The following SIRPA variants were observed in gnomAD, a reference collection of about 807,000 sequenced individuals.
SIRPA encodes the protein signal regulatory protein alpha.
In SIRPA, 9 loss-of-function variants were observed where a neutral mutation model predicts 50.3. The observed-to-expected ratio is 0.18, with a 90% confidence interval of 0.11 to 0.31. The LOEUF is 0.31. Ranked by LOEUF, SIRPA falls within the 10% of genes least tolerant of loss-of-function variation. The pLI is 1.00. For missense variants in SIRPA, 474 were observed against 661.6 expected (o/e 0.72, Z 3.11); for synonymous variants, 265 against 284.1 (o/e 0.93, Z 0.68).
Position 1,898,495 on chromosome 20 carries a change from C to T in SIRPA, c.79+2969C>T, listed in dbSNP as rs1300729455. On this transcript the variant is annotated intron_variant, in intron 1 of 7. Coordinates refer to ENST00000358771, the MANE Select transcript of SIRPA (RefSeq NM_001040023.2). This position sits in a 1 kb window ranked among gnomAD's most constrained non-coding sequence, Gnocchi z 4.3. Reference sequence around the variant, plus strand: ...AGTTAATGGCGTTCCAGGCCGGATGCTGCTCCTGCGTCGTCTCACCCGCAA... The same window carrying T: ...AGTTAATGGCGTTCCAGGCCGGATGTTGCTCCTGCGTCGTCTCACCCGCAA... Among the ~76,000 whole-genome samples the T allele has an allele frequency of 6.6e-6, 1 of 152,140 alleles. No homozygotes were observed. The highest frequency in any genetic ancestry group is 1.5e-5 in the Non-Finnish European group (1 of 68,034).
chr20:1,914,587 C>A, intron 1 of SIRPA, among the ~76,000 whole-genome samples: 1 of 53,710 alleles, frequency 1.9e-5, no homozygotes, highest in Non-Finnish European at 3.8e-5. Context: ...GAGTGGTGGC[C>A]CAAGGACACA....
At chr20:1,910,344 CTT>C (rs4060551) in intron 1 of SIRPA, among the ~76,000 whole-genome samples, 57,887 of 151,926 alleles carry the variant, frequency 0.38, 11,278 homozygotes, top group East Asian at 0.67. Context: ...TGTTTCATTA[CTT>C]TTTAACTTTT....
intron 1 of SIRPA, among the ~76,000 whole-genome samples, chr20:1,910,079 A>AG (rs948844014): frequency 3.6e-4 from 55 of 152,226 alleles, no homozygotes; most frequent in African/African-American, 1.3e-3. Flanking sequence ...CCTCTTGCCC[A>AG]GGGGGGTTAG....
chr20:1,930,254 C>T (rs750330744), intron 6 of SIRPA, among the ~76,000 whole-genome samples: 4 of 152,216 alleles, frequency 2.6e-5, no homozygotes, highest in African/African-American at 7.2e-5. Flanking sequence ...TGTGAACCCT[C>T]CTGGTGCCGC....
At chr20:1,895,626 TA>T (rs1983753663) in intron 1 of SIRPA, 100 bp downstream of exon 1, 5 of 918,306 alleles carry the variant, frequency 5.4e-6, no homozygotes, top group Non-Finnish European at 7.5e-6. Flanking sequence ...CGAGCAGTAA[TA>T]GGGGGAGAGA....
In SIRPA at chr20:1,930,870, G is replaced by A. The variant is rs77761133; in HGVS notation, c.1226+2971G>A. ...CTCCCAAAGTGCTGGAATTACAGGC[G>A]TAAGCCACTGCGCCCGGCCCTGTTG... is the stretch of plus-strand genomic sequence containing the variant. On this transcript the variant is annotated intron_variant, in intron 6 of 7. Coordinates refer to ENST00000358771, the MANE Select transcript of SIRPA (RefSeq NM_001040023.2). Among the ~76,000 whole-genome samples the A allele has an allele frequency of 3.7e-4, 57 of 152,306 alleles. No individual in the cohort carries two copies. In the East Asian group the frequency reaches 8.9e-3, roughly 24 times the overall value.
rs1985720111 is a variant in SIRPA at position 1,922,454 on chromosome 20, C to T, written c.896C>T (p.Ala299Val). ...GGAAACGTGTCCCGGACAGAAACGG[C>T]CTCAACCGTTACAGAGAACAAGGAT... is the stretch of plus-strand genomic sequence containing the variant. ...ENGNVSRTET[A>V]STVTENKDGT... Residue 299 changes from alanine (A) to valine (V), a missense_variant, in exon 4 of 8, where the codon GCC (alanine) becomes GTC (valine). Transcript: ENST00000358771. The T allele has an allele frequency of 6.2e-7, 1 of 1,614,094 alleles. No individual in the cohort carries two copies. Among genetic ancestry groups the T allele is most frequent in the South Asian group, 1.1e-5 (1 of 91,092 alleles).
rs910028298 is a variant in SIRPA, at chr20:1,927,769, A to AT, written c.1202-103dup. On this transcript the variant is annotated intron_variant, in intron 5 of 7. Transcript: ENST00000358771. The surrounding 1 kb of genome is among the most constrained non-coding windows in gnomAD (Gnocchi z 6.5). ...GTGGTTCCAAGGATGTGATTACAGC[A>AT]TTTCCTCTCCATGTCCCTGGAGGCA... The AT allele has an allele frequency of 1.0e-6, 1 of 976,490 alleles. No homozygotes were observed. Among genetic ancestry groups the AT allele is most frequent in the Admixed American group, 1.7e-5 (1 of 58,912 alleles). The allele number at this position is 976,490 out of a possible 1,614,324, so 60.5% of individuals were successfully genotyped here. A position where few individuals can be genotyped will look rare whatever the true frequency, so the allele number is the denominator to read the frequency against.
At chr20:1,901,018 C>T (rs1343263351) in intron 1 of SIRPA, among the ~76,000 whole-genome samples, 1 of 152,166 alleles carries the variant, frequency 6.6e-6, no homozygotes, top group Non-Finnish European at 1.5e-5. Context: ...ATCACAGAGC[C>T]TATGTGGTTA....
intron 1 of SIRPA, among the ~76,000 whole-genome samples, chr20:1,912,490 A>AT (rs1283764839): frequency 6.6e-6 from 1 of 152,198 alleles, no homozygotes; most frequent in Non-Finnish European, 1.5e-5. Flanking sequence ...CATTCTGCAT[A>AT]TTTTTATCGA....
chr20:1,897,706 A>G (rs1295441105), intron 1 of SIRPA, among the ~76,000 whole-genome samples: 2 of 149,764 alleles, frequency 1.3e-5, no homozygotes, highest in Non-Finnish European at 3.0e-5. Context: ...GAGGTGTCAC[A>G]TGATTCCTGT....
chr20:1,899,641 C>G (rs967299711), intron 1 of SIRPA, among the ~76,000 whole-genome samples: 3 of 152,112 alleles, frequency 2.0e-5, no homozygotes, highest in Non-Finnish European at 4.4e-5. Flanking sequence ...TCCTACTCAT[C>G]CTCCGAGGTT....
Position 1,934,690 on chromosome 20 carries a change from A to G in SIRPA, c.1227-25A>G. 6.2e-7 allele frequency: 1 copy of G among 1,613,304 alleles called. No homozygotes were observed. The highest frequency in any genetic ancestry group is 1.7e-5 in the Admixed American group (1 of 59,966). ...CACTTGAGATAGTGAGGGTATTTTT[A>G]TCTGTGTGTCTCTTTCCTTTTTAGG... On this transcript the variant is annotated intron_variant, in intron 6 of 7. Transcript: ENST00000358771. The surrounding 1 kb of genome is among the most constrained non-coding windows in gnomAD (Gnocchi z 4.6).
At chr20:1,902,517 A>G (rs954381676) in intron 1 of SIRPA, among the ~76,000 whole-genome samples, 4 of 152,246 alleles carry the variant, frequency 2.6e-5, no homozygotes, top group African/African-American at 9.6e-5. Context: ...GGATGGCTCT[A>G]GGTGCTTGGA....
intron 4 of SIRPA, among the ~76,000 whole-genome samples, chr20:1,923,593 G>A (rs1021864667): frequency 5.3e-5 from 8 of 152,362 alleles, no homozygotes; most frequent in Admixed American, 1.3e-4. Flanking sequence ...TTCCTAGGAC[G>A]TGTAGGGCAT....
At chr20:1,894,259 C>CCCCCCGCG (rs1380762851), upstream of SIRPA, 18 of 149,216 alleles carry the variant, frequency 1.2e-4, no homozygotes, top group African/African-American at 3.1e-4. The surrounding 1 kb of genome is among the most constrained non-coding windows in gnomAD (Gnocchi z 4.0). Flanking sequence ...CGCCCCCCCG[C>CCCCCCGCG]CCCCCGCGCC....
At chr20:1,920,467 C>T (rs141334383) in intron 2 of SIRPA, among the ~76,000 whole-genome samples, 14 of 152,316 alleles carry the variant, frequency 9.2e-5, no homozygotes, top group African/African-American at 2.4e-4. Context: ...AAACAGCCCG[C>T]GTTCTGATTC....
At position 1,922,518 on chromosome 20, in the gene SIRPA, A is replaced by G. The variant is rs773381613; in HGVS notation, c.960A>G (p.Val320=). 1 of 1,614,174 alleles carries G rather than the reference A, an allele frequency of 6.2e-7. No homozygotes were observed. Among genetic ancestry groups the G allele is most frequent in the South Asian group, 1.1e-5 (1 of 91,082 alleles). ...GGATGAGCTGGCTCCTGGTGAATGT[A>G]TCTGCCCACAGGGATGATGTGAAGC... The part of the protein sequence containing the change: ...YNWMSWLLVN[V]SAHRDDVKLT... The change falls in exon 4 of 8, where the codon GTA becomes GTG. Residue 320 remains valine, a synonymous_variant. Transcript: ENST00000358771.
Position 1,934,654 on chromosome 20 carries a change from G to A in SIRPA, c.1227-61G>A. 6.5e-7 allele frequency: 1 copy of A among 1,539,916 alleles called. No individual in the cohort carries two copies. The highest frequency in any genetic ancestry group is 1.4e-5 in the African/African-American group (1 of 73,448). On this transcript the variant is annotated intron_variant, in intron 6 of 7. Coordinates refer to ENST00000358771, the MANE Select transcript of SIRPA (RefSeq NM_001040023.2). This position sits in a 1 kb window ranked among gnomAD's most constrained non-coding sequence, Gnocchi z 4.6. ...TGGAGCCTAAATGTTATTCTTATCA[G>A]TTTGCATGAGCACTTGAGATAGTGA...
Sources: gnomAD v4.1 joint callset for allele counts (sites outside exome capture counted in the v4.1 genomes callset) on GRCh38, gnomAD v4.1.1 for gene constraint, Gnocchi (gnomAD v3.1) non-coding constraint, MANE v1.5 for transcripts, NCBI Gene and HGNC (gene_info 2026-07-23, HGNC 2026-07-21) for gene names.